The following ASTN2 variants were observed in gnomAD, a reference collection of about 807,000 sequenced individuals.
ASTN2 encodes the protein astrotactin 2.
Under a neutral mutation model 139.8 loss-of-function variants are expected in ASTN2, and 54 were observed. That is an observed-to-expected ratio of 0.39 (90% CI 0.31 to 0.48). The LOEUF (loss-of-function observed/expected upper bound fraction) is 0.48, where lower values mean the gene tolerates loss of function less well. Among genes scored for constraint, ASTN2 ranks in the 20% least tolerant of loss-of-function variants. The pLI is 0.95. For missense variants in ASTN2, 1,565 were observed against 1,725.1 expected, an observed-to-expected ratio of 0.91 and a Z score of 1.64; for synonymous variants, 756 against 719.5, an observed-to-expected ratio of 1.05 and a Z score of -0.81.
At chr9:116,632,252 G>GAAGGAAAGAAA (rs1856833378) in intron 17 of ASTN2, among the ~76,000 whole-genome samples, 9 of 70,892 alleles carry the variant, frequency 1.3e-4, no homozygotes, top group South Asian at 6.5e-4. Context: ...AAAGAAAGAA[G>GAAGGAAAGAAA]GAAAGAAAGA....
chr9:117,146,164 G>A (rs750649481), intron 3 of ASTN2, among the ~76,000 whole-genome samples: 3 of 151,946 alleles, frequency 2.0e-5, no homozygotes, highest in Admixed American at 6.6e-5. Flanking sequence ...CAGCTCTATC[G>A]ATATCAGTAT....
At chr9:117,374,369 TAAAAAAAA>T (rs57428022) in intron 1 of ASTN2, among the ~76,000 whole-genome samples, 11 of 87,314 alleles carry the variant, frequency 1.3e-4, no homozygotes, top group Admixed American at 1.3e-4. Flanking sequence ...AGGGCAGGGT[TAAAAAAAA>T]AAAAAAAAAA....
intron 11 of ASTN2, among the ~76,000 whole-genome samples, chr9:116,862,553 C>T (rs1035772427): frequency 3.3e-5 from 5 of 152,026 alleles, no homozygotes; most frequent in East Asian, 1.9e-4. Context: ...TCATAGACTT[C>T]GAAAGCAATT....
intron 18 of ASTN2, among the ~76,000 whole-genome samples, chr9:116,619,345 G>A (rs932818122): frequency 2.6e-5 from 4 of 151,770 alleles, no homozygotes; most frequent in African/African-American, 4.8e-5. Flanking sequence ...CTGGCCCTTC[G>A]CATATGCTGT....
chr9:116,874,677 A>G (rs916956351), intron 10 of ASTN2, among the ~76,000 whole-genome samples: 3 of 152,224 alleles, frequency 2.0e-5, no homozygotes, highest in African/African-American at 7.2e-5. Flanking sequence ...GAGTTTGTGC[A>G]TTTCACAGAT....
Position 116,820,825 on chromosome 9 carries a change from G to T in ASTN2, c.2041-42C>A, listed in dbSNP as rs569861143. 3.2e-6 allele frequency: 5 copies of T among 1,573,390 alleles called. No homozygotes were observed. The East Asian group carries it at 1.1e-4, about 36-fold the overall frequency. Reference sequence around the variant, plus strand: ...CAACAGGGTAGTTATGGCTTGGGAGGTTGTAGGCCCCATCACACCCTCTCC... The same window carrying T: ...CAACAGGGTAGTTATGGCTTGGGAGTTTGTAGGCCCCATCACACCCTCTCC... On this transcript the variant is annotated intron_variant, in intron 11 of 22. Coordinates refer to ENST00000313400, the MANE Select transcript of ASTN2 (RefSeq NM_001365068.1).
intron 1 of ASTN2, among the ~76,000 whole-genome samples, chr9:117,394,610 T>A (rs1008893191): frequency 3.3e-5 from 5 of 152,166 alleles, no homozygotes; most frequent in Non-Finnish European, 7.3e-5. Context: ...AAGTAGCTTA[T>A]ACGAAACAGG....
intron 3 of ASTN2, among the ~76,000 whole-genome samples, chr9:117,142,288 A>G (rs981931375): frequency 3.9e-5 from 6 of 152,234 alleles, no homozygotes; most frequent in Non-Finnish European, 7.3e-5. Context: ...TAACTAAAGT[A>G]TGGAGAATGC....
At chr9:117,365,520 C>T (rs2130903877) in intron 1 of ASTN2, among the ~76,000 whole-genome samples, 1 of 152,150 alleles carries the variant, frequency 6.6e-6, no homozygotes, top group Non-Finnish European at 1.5e-5. Context: ...TTGCCAAACT[C>T]CATGTGAGAG....
At chr9:116,497,777 T>TA (rs1309724401) in intron 19 of ASTN2, among the ~76,000 whole-genome samples, 1 of 152,158 alleles carries the variant, frequency 6.6e-6, no homozygotes, top group Non-Finnish European at 1.5e-5. Flanking sequence ...AATCACTCTT[T>TA]AAGGACCACA....
chr9:116,440,761 A>G lies in ASTN2; in HGVS notation c.3630T>C (p.Asn1210=). The G allele has an allele frequency of 6.2e-7, 1 of 1,614,030 alleles. No individual in the cohort carries two copies. The highest frequency in any genetic ancestry group is 2.2e-5 in the East Asian group (1 of 44,860). The change falls in exon 22 of 23, where the codon AAT becomes AAC. Residue 1210 remains asparagine (N), a synonymous_variant. Transcript: ENST00000313400. ...GCTGCTCCTTTCCACTTGTGTACCC[A>G]TTGTACAGATTGTAGATCTTGTCAG... The part of the protein sequence containing the change: ...EIADKIYNLY[N]GYTSGKEQQM...
Position 116,794,096 on chromosome 9 carries a change from C to CTTT in ASTN2, c.2396+11533_2396+11535dup, listed in dbSNP as rs35428342. Among the ~76,000 whole-genome samples the CTTT allele has an allele frequency of 3.3e-3, 413 of 123,826 alleles. 13 individuals are homozygous for CTTT. Among genetic ancestry groups the CTTT allele is most frequent in the Middle Eastern group, 4.5e-3 (1 of 222 alleles). The allele number at this position is 123,826 out of a possible 152,430, so 81.2% of individuals were successfully genotyped here. ...AACAAAACAAAACAAAAATAAACAC[C>CTTT]TTTTTTTTTTTTTTTTTTGAGATGG... On this transcript the variant is annotated intron_variant, in intron 13 of 22. Transcript: ENST00000313400.
rs541276102 is a variant in ASTN2, at chr9:117,356,342, T to A, written c.442+58155A>T. Reference sequence around the variant, plus strand: ...GACACCTACTGTGTGCTGGTAGATATGCCACATGGGCCATGACATATGTGG... The same window carrying A: ...GACACCTACTGTGTGCTGGTAGATAAGCCACATGGGCCATGACATATGTGG... On this transcript the variant is annotated intron_variant, in intron 1 of 22. Transcript: ENST00000313400. Among the ~76,000 whole-genome samples the A allele has an allele frequency of 2.5e-4, 38 of 152,364 alleles. 1 individual carries two copies. The South Asian group carries it at 7.7e-3, about 31-fold the overall frequency.
At chr9:117,145,029 G>T (rs1173777108) in intron 3 of ASTN2, among the ~76,000 whole-genome samples, 2 of 151,980 alleles carry the variant, frequency 1.3e-5, no homozygotes, top group Non-Finnish European at 2.9e-5. Context: ...TACAAGTACA[G>T]GTTTGTTACG....
intron 2 of ASTN2, among the ~76,000 whole-genome samples, chr9:117,266,055 C>T (rs1442940516): frequency 6.6e-6 from 1 of 152,168 alleles, no homozygotes; most frequent in Non-Finnish European, 1.5e-5. Flanking sequence ...TGTGACCTAC[C>T]CAGATCCCTA....
chr9:117,214,277 C>A, intron 3 of ASTN2, 81 bp downstream of exon 3: 1 of 1,484,512 alleles, frequency 6.7e-7, no homozygotes, highest in Non-Finnish European at 9.1e-7. Flanking sequence ...TGCCTGTAGT[C>A]CCCAACTGCC....
chr9:117,039,052 T>C (rs1838475381), intron 6 of ASTN2, among the ~76,000 whole-genome samples: 1 of 152,198 alleles, frequency 6.6e-6, no homozygotes, highest in East Asian at 1.9e-4. Flanking sequence ...GCAAATACTC[T>C]TTGGGGGGCA....
At chr9:116,943,806 C>G (rs890509879) in intron 10 of ASTN2, among the ~76,000 whole-genome samples, 2 of 152,170 alleles carry the variant, frequency 1.3e-5, no homozygotes, top group Non-Finnish European at 2.9e-5. Context: ...CTGTTTCTTT[C>G]CATTCTATCT....
chr9:117,261,737 G>A (rs2133109300), intron 2 of ASTN2, among the ~76,000 whole-genome samples: 1 of 152,266 alleles, frequency 6.6e-6, no homozygotes, highest in Non-Finnish European at 1.5e-5. Context: ...GTGGTGGAGT[G>A]AAATTGGTTA....
Sources: gnomAD v4.1 joint callset for allele counts (sites outside exome capture counted in the v4.1 genomes callset) on GRCh38, gnomAD v4.1.1 for gene constraint, MANE v1.5 for transcripts, NCBI Gene and HGNC (gene_info 2026-07-23, HGNC 2026-07-21) for gene names.